Variants in ITPR2 observed in about 807,000 individuals in gnomAD.
ITPR2 encodes the protein inositol 1,4,5-trisphosphate-gated calcium channel ITPR2.
In ITPR2, 207 loss-of-function variants were observed where a neutral mutation model predicts 317.1. That is an observed-to-expected ratio of 0.65 (90% CI 0.58 to 0.73). The LOEUF (loss-of-function observed/expected upper bound fraction) is 0.73, where lower values mean the gene tolerates loss of function less well. Among genes scored for constraint, ITPR2 ranks in the 30% least tolerant of loss-of-function variants. ITPR2 has a pLI of 0.00. For missense variants in ITPR2, 2,613 were observed against 3,284.0 expected (o/e 0.80, Z 4.99); for synonymous variants, 1,156 against 1,149.1 (o/e 1.01, Z -0.12).
intron 37 of ITPR2, among the ~76,000 whole-genome samples, chr12:26,506,362 A>G (rs1208200921): frequency 6.6e-6 from 1 of 151,682 alleles, no homozygotes; most frequent in Non-Finnish European, 1.5e-5. Flanking sequence ...TAGGAAAATA[A>G]TCTGGGTGTG....
chr12:26,465,628 T>C (rs1349847813), intron 45 of ITPR2, among the ~76,000 whole-genome samples: 1 of 151,996 alleles, frequency 6.6e-6, no homozygotes, highest in Non-Finnish European at 1.5e-5. Context: ...TCTCTCTCTC[T>C]CTTGCTCTGC....
At chr12:26,490,759 G>C (rs1942781290) in intron 39 of ITPR2, among the ~76,000 whole-genome samples, 1 of 152,234 alleles carries the variant, frequency 6.6e-6, no homozygotes, top group Non-Finnish European at 1.5e-5. Context: ...GTTGAAGTGA[G>C]CCGCTATCGC....
intron 1 of ITPR2, among the ~76,000 whole-genome samples, chr12:26,810,814 A>G (rs1191406914): frequency 3.9e-5 from 6 of 152,088 alleles, no homozygotes; most frequent in African/African-American, 1.4e-4. Flanking sequence ...GACCAGTTTC[A>G]TTTTTTGTTT....
intron 1 of ITPR2, among the ~76,000 whole-genome samples, chr12:26,794,550 A>T (rs993375337): frequency 1.3e-5 from 2 of 152,146 alleles, no homozygotes; most frequent in Non-Finnish European, 2.9e-5. Context: ...TCTTCACTGA[A>T]GCTATATTCC....
At chr12:26,370,017 G>A (rs1204992425) in intron 55 of ITPR2, among the ~76,000 whole-genome samples, 1 of 152,122 alleles carries the variant, frequency 6.6e-6, no homozygotes, top group East Asian at 1.9e-4. Flanking sequence ...GGGCACAGAA[G>A]CCCTGTGTTC....
chr12:26,622,393 A>AT lies in ITPR2; in HGVS notation c.3134dup (p.Asn1045LysfsTer6). 6.2e-7 allele frequency: 1 copy of AT among 1,600,454 alleles called. No individual in the cohort carries two copies. The highest frequency in any genetic ancestry group is 8.5e-7 in the Non-Finnish European group (1 of 1,175,462). On this transcript the variant is annotated frameshift_variant, in exon 25 of 57. Transcript: ENST00000381340. LOFTEE classifies it high-confidence loss of function. ...CTCCTTCATCGTCAAGTTGAACTGG[A>AT]TTTTTTTCTTTTCTATAAAACCAAA...
intron 2 of ITPR2, among the ~76,000 whole-genome samples, chr12:26,764,773 G>A (rs1949691312): frequency 6.6e-6 from 1 of 151,644 alleles, no homozygotes; most frequent in Admixed American, 6.6e-5. Context: ...TTATATAGAT[G>A]GCAAATAAAC....
intron 14 of ITPR2, 148 bp from the exon 15 acceptor site, chr12:26,663,994 AG>A (rs1249786245): frequency 1.4e-6 from 1 of 699,740 alleles, no homozygotes; most frequent in Non-Finnish European, 2.2e-6. Context: ...TTTACGTTAC[AG>A]GACCAACATA....
intron 22 of ITPR2, 123 bp from the exon 23 acceptor site, chr12:26,628,285 T>A: frequency 1.6e-6 from 1 of 633,944 alleles, no homozygotes; most frequent in Non-Finnish European, 2.6e-6. Context: ...TAGAAGCTTT[T>A]AACACCAGTT....
At position 26,832,923 on chromosome 12, in the gene ITPR2, C is replaced by G. The variant is rs1448652697; in HGVS notation, c.-142G>C. The G allele has an allele frequency of 2.6e-5, 17 of 655,332 alleles. No individual in the cohort carries two copies. Among genetic ancestry groups the G allele is most frequent in the Non-Finnish European group, 4.4e-5 (17 of 384,584 alleles). The allele number at this position is 655,332 out of a possible 1,614,324, so 40.6% of individuals were successfully genotyped here. ...CCGCGGCGGAGGGCACGGCCCGAGCCACTGAGCGTCGCGGCTCAGCCGTGC... is the reference window on the plus strand; with the variant it reads ...CCGCGGCGGAGGGCACGGCCCGAGCGACTGAGCGTCGCGGCTCAGCCGTGC... On this transcript the variant is annotated 5_prime_UTR_variant, in exon 1 of 57. Coordinates refer to ENST00000381340, the MANE Select transcript of ITPR2 (RefSeq NM_002223.4).
intron 13 of ITPR2, among the ~76,000 whole-genome samples, chr12:26,678,854 A>C (rs1020843880): frequency 7.9e-5 from 12 of 152,364 alleles, no homozygotes; most frequent in Non-Finnish European, 1.5e-4. Flanking sequence ...TGACTGAAGA[A>C]GAGTGACTCG....
At chr12:26,689,644 C>T (rs1948197060) in intron 10 of ITPR2, among the ~76,000 whole-genome samples, 1 of 152,112 alleles carries the variant, frequency 6.6e-6, no homozygotes, top group Non-Finnish European at 1.5e-5. Flanking sequence ...GATGGTGACA[C>T]TAAAGCCACA....
At chr12:26,662,773 A>C (rs1242247752) in intron 15 of ITPR2, among the ~76,000 whole-genome samples, 1 of 152,120 alleles carries the variant, frequency 6.6e-6, no homozygotes, top group Non-Finnish European at 1.5e-5. Flanking sequence ...CCTAGGCTGA[A>C]GTGATCCTCC....
intron 55 of ITPR2, among the ~76,000 whole-genome samples, chr12:26,356,730 T>C (rs957800212): frequency 6.6e-6 from 1 of 152,210 alleles, no homozygotes; most frequent in Non-Finnish European, 1.5e-5. Flanking sequence ...TGATTGATTG[T>C]AGGGTGGGGT....
At chr12:26,527,191 T>C (rs1056141352) in intron 37 of ITPR2, among the ~76,000 whole-genome samples, 5 of 152,330 alleles carry the variant, frequency 3.3e-5, no homozygotes, top group South Asian at 4.1e-4. Context: ...TAGCAGGTAG[T>C]ATAGGGTACA....
At chr12:26,416,214 A>G (rs1940715911) in intron 50 of ITPR2, among the ~76,000 whole-genome samples, 1 of 152,210 alleles carries the variant, frequency 6.6e-6, no homozygotes, top group East Asian at 1.9e-4. Flanking sequence ...TGTCTTCAGT[A>G]GTAGAAAATC....
chr12:26,772,030 G>C (rs1949853135), intron 2 of ITPR2, among the ~76,000 whole-genome samples: 2 of 152,008 alleles, frequency 1.3e-5, no homozygotes. Flanking sequence ...ACATTTAGTT[G>C]TCATTGATTT....
chr12:26,458,536 T>C (rs148594201), intron 45 of ITPR2, among the ~76,000 whole-genome samples: 1 of 152,310 alleles, frequency 6.6e-6, no homozygotes, highest in East Asian at 1.9e-4. Context: ...TTTATTACTT[T>C]GTTCTCCCTT....
intron 26 of ITPR2, among the ~76,000 whole-genome samples, chr12:26,612,569 T>C (rs1209445987): frequency 2.0e-5 from 3 of 152,228 alleles, no homozygotes; most frequent in Non-Finnish European, 4.4e-5. Context: ...CAGTTTCTCA[T>C]TTTTGTTCCC....
Sources: allele counts gnomAD v4.1 joint callset (sites outside exome capture counted in the v4.1 genomes callset), GRCh38; gene constraint gnomAD v4.1.1; transcripts MANE v1.5; gene names NCBI Gene and HGNC (gene_info 2026-07-23, HGNC 2026-07-21).